MFSD6: variants seen among roughly 807,000 people sequenced by gnomAD.
The protein encoded by MFSD6 is major facilitator superfamily domain containing 6.
A neutral mutation model predicts 56.3 loss-of-function variants in MFSD6; 26 were observed. That is an observed-to-expected ratio of 0.46 (90% CI 0.34 to 0.64). MFSD6 has a LOEUF of 0.64. Ranked by LOEUF, MFSD6 falls within the 30% of genes least tolerant of loss-of-function variation. MFSD6 has a pLI of 0.01. For missense variants in MFSD6, 750 were observed against 986.2 expected (o/e 0.76, Z 3.21); for synonymous variants, 331 against 366.9 (o/e 0.90, Z 1.12).
rs576646657 is a variant in MFSD6 at position 190,413,359 on chromosome 2, G to A, written c.-175-1933G>A. On this transcript the variant is annotated intron_variant, in intron 1 of 7. Transcript: ENST00000392328. This position sits in a 1 kb window ranked among gnomAD's most constrained non-coding sequence, Gnocchi z 4.1. ...CCTTAAAAAACCATGTTCAAGAGAT[G>A]TGGAAAAAAATTGAATTAAGGGGGG... Among the ~76,000 whole-genome samples the A allele has an allele frequency of 6.6e-6, 1 of 152,212 alleles. No individual in the cohort carries two copies. The highest frequency in any genetic ancestry group is 2.1e-4 in the South Asian group (1 of 4,824).
intron 2 of MFSD6, among the ~76,000 whole-genome samples, chr2:190,419,496 T>C (rs1162214287): frequency 6.6e-6 from 1 of 152,194 alleles, no homozygotes; most frequent in African/African-American, 2.4e-5. Flanking sequence ...CAAGGAAGAG[T>C]GTCCCTTCTG....
chr2:190,481,472 C>T (rs1014246671), intron 4 of MFSD6, among the ~76,000 whole-genome samples: 1 of 152,118 alleles, frequency 6.6e-6, no homozygotes. Flanking sequence ...CACTGCCTAC[C>T]CTGTTTCAGT....
Position 190,499,087 on chromosome 2 carries a change from GCAGTGAGCCAAGGT to G in MFSD6, c.2173-925_2173-912del. 6.6e-6 allele frequency among the ~76,000 whole-genome samples: 1 copy of G among 152,210 alleles called. No homozygotes were observed. The highest frequency in any genetic ancestry group is 1.5e-5 in the Non-Finnish European group (1 of 68,028). On this transcript the variant is annotated intron_variant, in intron 7 of 7. Transcript: ENST00000392328. The surrounding 1 kb of genome is among the most constrained non-coding windows in gnomAD (Gnocchi z 6.0). Reference sequence around the variant, plus strand: ...TGCTTGAACCCAGCAGGAGGAGGTTGCAGTGAGCCAAGGTCACGCCACTGCACTCCGGCCTAGGC... The same window carrying G: ...TGCTTGAACCCAGCAGGAGGAGGTTGCACGCCACTGCACTCCGGCCTAGGC...
chr2:190,496,310 A>C lies in MFSD6; in HGVS notation c.1892-1129A>C, dbSNP rs1388667189. On this transcript the variant is annotated intron_variant, in intron 6 of 7. Transcript: ENST00000392328. This position sits in a 1 kb window ranked among gnomAD's most constrained non-coding sequence, Gnocchi z 4.7. ...CCACCTTACTCCCACAAGAATGGCC[A>C]TTATCAAATAATCAAAAAATAATTG... Among the ~76,000 whole-genome samples, 1 of 152,222 alleles carries C rather than the reference A, an allele frequency of 6.6e-6. No individual in the cohort carries two copies. Among genetic ancestry groups the C allele is most frequent in the Non-Finnish European group, 1.5e-5 (1 of 68,030 alleles).
rs1212277041 is a variant in MFSD6 at position 190,424,046 on chromosome 2, G to T, written c.-54+8633G>T. ...TATTCTAGAAACTAATCCTTCGCTG[G>T]ATTTGTGGTTTCCAAGTATTTTCTC... On this transcript the variant is annotated intron_variant, in intron 2 of 7. Coordinates refer to ENST00000392328, the MANE Select transcript of MFSD6 (RefSeq NM_017694.4). The surrounding 1 kb of genome is among the most constrained non-coding windows in gnomAD (Gnocchi z 5.9). Among the ~76,000 whole-genome samples, 5 of 152,110 alleles carry T rather than the reference G, an allele frequency of 3.3e-5. No individual in the cohort carries two copies. Among genetic ancestry groups the T allele is most frequent in the Non-Finnish European group, 7.4e-5 (5 of 68,008 alleles).
rs1037310480 is a variant in MFSD6, at chr2:190,469,087, T to C, written c.1533-671T>C. 6.6e-6 allele frequency among the ~76,000 whole-genome samples: 1 copy of C among 152,020 alleles called. No individual in the cohort carries two copies. The highest frequency in any genetic ancestry group is 2.4e-5 in the African/African-American group (1 of 41,376). ...CTTTTGGCAGCGGTAATGGTGGGGG[T>C]GAGAGAATGCAAGAGGTTGGTGTAT... On this transcript the variant is annotated intron_variant, in intron 3 of 7. Coordinates refer to ENST00000392328, the MANE Select transcript of MFSD6 (RefSeq NM_017694.4). The surrounding 1 kb of genome is among the most constrained non-coding windows in gnomAD (Gnocchi z 5.3).
At chr2:190,468,432 G>T (rs1325645444) in intron 3 of MFSD6, among the ~76,000 whole-genome samples, 1 of 151,534 alleles carries the variant, frequency 6.6e-6, no homozygotes, top group Non-Finnish European at 1.5e-5. Context: ...GGGAAAAAGG[G>T]AACAGTGTTT....
At position 190,497,030 on chromosome 2, in the gene MFSD6, C is replaced by T. The variant is rs1689737322; in HGVS notation, c.1892-409C>T. On this transcript the variant is annotated intron_variant, in intron 6 of 7. Transcript: ENST00000392328. The surrounding 1 kb of genome is among the most constrained non-coding windows in gnomAD (Gnocchi z 5.2). ...ATTAGAGAACTTACGTAACCAAATA[C>T]CACCTGTTCCCCAAAAACCTGTGGG... Among the ~76,000 whole-genome samples the T allele has an allele frequency of 6.6e-6, 1 of 152,134 alleles. No homozygotes were observed. Among genetic ancestry groups the T allele is most frequent in the South Asian group, 2.1e-4 (1 of 4,830 alleles).
At chr2:190,446,739 C>G (rs971328496) in intron 3 of MFSD6, among the ~76,000 whole-genome samples, 1 of 152,160 alleles carries the variant, frequency 6.6e-6, no homozygotes, top group Non-Finnish European at 1.5e-5. Flanking sequence ...TCTGCTCAAC[C>G]CAAAACTACA....
At position 190,415,997 on chromosome 2, in the gene MFSD6, C is replaced by T. The variant is rs1004456599; in HGVS notation, c.-54+584C>T. On this transcript the variant is annotated intron_variant, in intron 2 of 7. Coordinates refer to ENST00000392328, the MANE Select transcript of MFSD6 (RefSeq NM_017694.4). This position sits in a 1 kb window ranked among gnomAD's most constrained non-coding sequence, Gnocchi z 4.5. Reference sequence around the variant, plus strand: ...AATGTGAACTGTTACTTTTTCCTCCCGCTGGGCTTGTTCTAAGACAGGAAG... The same window carrying T: ...AATGTGAACTGTTACTTTTTCCTCCTGCTGGGCTTGTTCTAAGACAGGAAG... 1.2e-4 allele frequency among the ~76,000 whole-genome samples: 19 copies of T among 152,046 alleles called. No homozygotes were observed. The highest frequency in any genetic ancestry group is 3.9e-4 in the African/African-American group (16 of 41,382).
rs866008742 is a variant in MFSD6 at position 190,465,186 on chromosome 2, G to A, written c.1533-4572G>A. On this transcript the variant is annotated intron_variant, in intron 3 of 7. Transcript: ENST00000392328. The surrounding 1 kb of genome is among the most constrained non-coding windows in gnomAD (Gnocchi z 4.6). ...TTTGCTCAAATACAGGATAAAAAAC[G>A]AGTGGCAGGTGATTTGGGTTTTCCA... 2.6e-5 allele frequency among the ~76,000 whole-genome samples: 4 copies of A among 152,118 alleles called. No homozygotes were observed. The highest frequency in any genetic ancestry group is 4.8e-5 in the African/African-American group (2 of 41,432).
chr2:190,495,127 G>C lies in MFSD6; in HGVS notation c.1892-2312G>C, dbSNP rs1176859929. 6.6e-6 allele frequency among the ~76,000 whole-genome samples: 1 copy of C among 152,090 alleles called. No homozygotes were observed. The highest frequency in any genetic ancestry group is 3.2e-3 in the Middle Eastern group (1 of 316). On this transcript the variant is annotated intron_variant, in intron 6 of 7. Transcript: ENST00000392328. This position sits in a 1 kb window ranked among gnomAD's most constrained non-coding sequence, Gnocchi z 4.7. ...TAAAGACTCCTCCTAAAAGCTCTTA[G>C]AACTGATAAATGAATTCAGCAAAGT...
rs568963416 is a variant in MFSD6 at position 190,415,699 on chromosome 2, T to C, written c.-54+286T>C. Among the ~76,000 whole-genome samples, 2 of 152,328 alleles carry C rather than the reference T, an allele frequency of 1.3e-5. No individual in the cohort carries two copies. Among genetic ancestry groups the C allele is most frequent in the East Asian group, 3.9e-4 (2 of 5,186 alleles). On this transcript the variant is annotated intron_variant, in intron 2 of 7. Transcript: ENST00000392328. This position sits in a 1 kb window ranked among gnomAD's most constrained non-coding sequence, Gnocchi z 4.5. ...CAAAATAAAACAATTTTAGATTACA[T>C]ATATGGGAAGGTACTAAGGATATAA...
Position 190,437,625 on chromosome 2 carries a change from C to T in MFSD6, c.1532+64C>T. On this transcript the variant is annotated intron_variant, in intron 3 of 7. Transcript: ENST00000392328. This position sits in a 1 kb window ranked among gnomAD's most constrained non-coding sequence, Gnocchi z 5.9. ...AACTTTATCTTTTTATGGTTTATAG[C>T]TCCTTCTACTACAATTTTAAGGTAT... 5 of 1,506,548 alleles carry T rather than the reference C, an allele frequency of 3.3e-6. No homozygotes were observed. Among genetic ancestry groups the T allele is most frequent in the Non-Finnish European group, 4.5e-6 (5 of 1,115,260 alleles). 93.3% of individuals were successfully genotyped at this position (1,506,548 alleles called of 1,614,324 possible).
chr2:190,489,266 C>T lies in MFSD6; in HGVS notation c.1792+448C>T, dbSNP rs1178027494. Among the ~76,000 whole-genome samples the T allele has an allele frequency of 6.6e-6, 1 of 152,158 alleles. No homozygotes were observed. Among genetic ancestry groups the T allele is most frequent in the Non-Finnish European group, 1.5e-5 (1 of 68,028 alleles). On this transcript the variant is annotated intron_variant, in intron 5 of 7. Transcript: ENST00000392328. This position sits in a 1 kb window ranked among gnomAD's most constrained non-coding sequence, Gnocchi z 6.6. ...ATTTATGGTAACAATATCTGTCTGTCTTGTCATATCTTCCTTATTAGAAAC... is the reference window on the plus strand; with the variant it reads ...ATTTATGGTAACAATATCTGTCTGTTTTGTCATATCTTCCTTATTAGAAAC...
Position 190,499,747 on chromosome 2 carries a change from C to A in MFSD6, c.2173-268C>A. ...GCTGATGTAAACTGTTTACCAAGTA[C>A]TAACAGACATTTTGGTAGTAATGTT... is the stretch of plus-strand genomic sequence containing the variant. On this transcript the variant is annotated intron_variant, in intron 7 of 7. Coordinates refer to ENST00000392328, the MANE Select transcript of MFSD6 (RefSeq NM_017694.4). The surrounding 1 kb of genome is among the most constrained non-coding windows in gnomAD (Gnocchi z 6.0). The A allele has an allele frequency of 3.0e-6, 4 of 1,344,308 alleles. No individual in the cohort carries two copies. The highest frequency in any genetic ancestry group is 4.0e-6 in the Non-Finnish European group (4 of 999,954). The allele number at this position is 1,344,308 out of a possible 1,614,324, so 83.3% of individuals were successfully genotyped here.
intron 4 of MFSD6, chr2:190,477,300 G>C: frequency 1.0e-6 from 1 of 984,748 alleles, no homozygotes; most frequent in South Asian, 4.7e-5. Context: ...CCCACCTCTG[G>C]TTCCTGTTCT....
chr2:190,476,719 A>T (rs942342910), intron 4 of MFSD6, among the ~76,000 whole-genome samples: 8 of 152,264 alleles, frequency 5.3e-5, no homozygotes, highest in Admixed American at 2.6e-4. Context: ...TACCCAAAGG[A>T]TTATAAATCA....
At chr2:190,414,333 T>G (rs898161748) in intron 1 of MFSD6, among the ~76,000 whole-genome samples, 2 of 152,232 alleles carry the variant, frequency 1.3e-5, no homozygotes, top group Non-Finnish European at 2.9e-5. Flanking sequence ...AAGGCAAGCT[T>G]CTTTAGCTAT....
Sources: gnomAD v4.1 joint callset for allele counts (sites outside exome capture counted in the v4.1 genomes callset) on GRCh38, gnomAD v4.1.1 for gene constraint, Gnocchi (gnomAD v3.1) non-coding constraint, MANE v1.5 for transcripts, NCBI Gene and HGNC (gene_info 2026-07-23, HGNC 2026-07-21) for gene names.